The following CSMD3 variants were observed in gnomAD, a reference collection of about 807,000 sequenced individuals.
The protein encoded by CSMD3 is CUB and Sushi multiple domains 3.
A neutral mutation model predicts 435.2 loss-of-function variants in CSMD3; 177 were observed. That is an observed-to-expected ratio of 0.41 (90% CI 0.36 to 0.46). The LOEUF (loss-of-function observed/expected upper bound fraction) is 0.46. Ranked by LOEUF, CSMD3 falls within the 20% of genes least tolerant of loss-of-function variation. The pLI, the probability that CSMD3 is intolerant of heterozygous loss-of-function variation, is 0.34. For synonymous variants in CSMD3, 1,656 were observed against 1,520.5 expected (o/e 1.09, Z -2.07); for missense variants, 4,265 against 4,504.6 (o/e 0.95, Z 1.52).
At chr8:113,097,952 A>G (rs1321743450) in intron 5 of CSMD3, among the ~76,000 whole-genome samples, 1 of 151,984 alleles carries the variant, frequency 6.6e-6, no homozygotes, top group East Asian at 1.9e-4. Context: ...CTCTAATTCC[A>G]GCTACCGTGA....
At chr8:112,893,079 A>T (rs183030156) in intron 10 of CSMD3, among the ~76,000 whole-genome samples, 125 of 150,862 alleles carry the variant, frequency 8.3e-4, no homozygotes, top group African/African-American at 2.5e-3. Context: ...TAACAACAAC[A>T]ACTACTACTA....
chr8:112,330,128 C>T (rs1449599148), intron 45 of CSMD3, among the ~76,000 whole-genome samples: 1 of 152,082 alleles, frequency 6.6e-6, no homozygotes, highest in Non-Finnish European at 1.5e-5. Flanking sequence ...TTATATAAAG[C>T]ATGTCCTTAC....
chr8:113,027,061 G>A (rs1264852723), intron 5 of CSMD3, among the ~76,000 whole-genome samples: 3 of 152,060 alleles, frequency 2.0e-5, no homozygotes. Context: ...CTGAACATTA[G>A]CAACCAAAAA....
At chr8:113,374,430 T>A (rs944666420) in intron 1 of CSMD3, among the ~76,000 whole-genome samples, 4 of 152,038 alleles carry the variant, frequency 2.6e-5, no homozygotes, top group African/African-American at 7.2e-5. Context: ...TTCCTTAAAT[T>A]TTTTCTAGAG....
At chr8:113,290,261 A>G (rs2093676923) in intron 2 of CSMD3, among the ~76,000 whole-genome samples, 1 of 151,652 alleles carries the variant, frequency 6.6e-6, no homozygotes, top group African/African-American at 2.4e-5. Flanking sequence ...GCAATTGGAG[A>G]TTTTGAATAA....
Position 113,114,168 on chromosome 8 carries a change from G to C in CSMD3, c.710-15205C>G, listed in dbSNP as rs145059068. ...ACAAAAAAAGATATCTAAAGAATGA[G>C]TTAATAACAATGTCAAATGTCATGG... On this transcript the variant is annotated intron_variant, in intron 4 of 70. Coordinates refer to ENST00000297405, the MANE Select transcript of CSMD3 (RefSeq NM_198123.2). Among the ~76,000 whole-genome samples, 230 of 152,166 alleles carry C rather than the reference G, an allele frequency of 1.5e-3. 2 individuals are homozygous for C. Among genetic ancestry groups the C allele is most frequent in the East Asian group, 4.4e-3 (23 of 5,172 alleles).
chr8:113,276,289 A>G (rs904171131), intron 3 of CSMD3, among the ~76,000 whole-genome samples: 1 of 152,142 alleles, frequency 6.6e-6, no homozygotes, highest in Non-Finnish European at 1.5e-5. Context: ...GATGGGCCCA[A>G]GCCAATCACA....
intron 1 of CSMD3, among the ~76,000 whole-genome samples, chr8:113,430,370 A>ATTT (rs5894149): frequency 6.7e-6 from 1 of 149,102 alleles, no homozygotes; most frequent in Non-Finnish European, 1.5e-5. Context: ...ATTGTCATGT[A>ATTT]TTTTTTTTTT....
chr8:112,635,632 A>G, intron 22 of CSMD3, among the ~76,000 whole-genome samples: 1 of 152,154 alleles, frequency 6.6e-6, no homozygotes, highest in Admixed American at 6.6e-5. Flanking sequence ...AAAATCTGTG[A>G]TTTTTAAAGA....
intron 1 of CSMD3, 131 bp downstream of exon 1, chr8:113,436,546 G>T: frequency 2.3e-6 from 2 of 871,978 alleles, no homozygotes; most frequent in Non-Finnish European, 3.8e-6. Context: ...AGAACGAGCT[G>T]TGAATCAACT....
intron 13 of CSMD3, among the ~76,000 whole-genome samples, chr8:112,712,163 A>G (rs554083235): frequency 6.6e-6 from 1 of 152,230 alleles, no homozygotes; most frequent in Admixed American, 6.6e-5. Context: ...TACCACCACA[A>G]ATGTTCTCAG....
At chr8:112,378,183 A>T (rs946798687) in intron 38 of CSMD3, among the ~76,000 whole-genome samples, 1 of 152,104 alleles carries the variant, frequency 6.6e-6, no homozygotes, top group African/African-American at 2.4e-5. Flanking sequence ...AAATGTGGAG[A>T]AAAGGGAACT....
chr8:112,392,341 T>C (rs566159038), intron 35 of CSMD3, among the ~76,000 whole-genome samples: 2 of 150,222 alleles, frequency 1.3e-5, no homozygotes, highest in Admixed American at 6.6e-5. Flanking sequence ...AAAAAGATGT[T>C]GCAAACTTTT....
At chr8:112,351,277 A>T (rs755914070) in intron 39 of CSMD3, 33 bp from the exon 40 acceptor site, 1 of 1,440,730 alleles carries the variant, frequency 6.9e-7, no homozygotes, top group Non-Finnish European at 9.8e-7. Context: ...TTCAGTACAC[A>T]TACATAAAAA....
intron 5 of CSMD3, chr8:113,098,445 A>T (rs1355009430): frequency 2.9e-6 from 1 of 342,548 alleles, no homozygotes; most frequent in African/African-American, 2.1e-5. Context: ...AAACAAAGGA[A>T]AATTACTTCC....
intron 4 of CSMD3, among the ~76,000 whole-genome samples, chr8:113,126,394 A>G (rs1187096431): frequency 6.6e-6 from 1 of 151,964 alleles, no homozygotes. Context: ...CATATATCAA[A>G]AAATATATAT....
At chr8:112,230,147 T>C (rs1177603314) in intron 69 of CSMD3, among the ~76,000 whole-genome samples, 1 of 152,166 alleles carries the variant, frequency 6.6e-6, no homozygotes, top group Non-Finnish European at 1.5e-5. Context: ...ACCAGTTCTT[T>C]CTTAAAAGGA....
At chr8:113,025,134 T>G (rs78260263) in intron 5 of CSMD3, among the ~76,000 whole-genome samples, 1,560 of 152,312 alleles carry the variant, frequency 0.01, 19 homozygotes, top group African/African-American at 0.036. Flanking sequence ...TGTCTGCTAC[T>G]GAAGTCTTTT....
chr8:113,341,889 T>G (rs1330237384), intron 1 of CSMD3, among the ~76,000 whole-genome samples: 1 of 152,114 alleles, frequency 6.6e-6, no homozygotes, highest in Non-Finnish European at 1.5e-5. Context: ...ATCCTTCCTT[T>G]GCTTCTTGAT....
Sources: gnomAD v4.1 joint callset for allele counts (sites outside exome capture counted in the v4.1 genomes callset) on GRCh38, gnomAD v4.1.1 for gene constraint, MANE v1.5 for transcripts, NCBI Gene and HGNC (gene_info 2026-07-23, HGNC 2026-07-21) for gene names.